The following LIG1 variants were observed in gnomAD, a reference collection of about 807,000 sequenced individuals.
LIG1 encodes ligase I, DNA, ATP-dependent.
LIG1 carries 70 observed loss-of-function variants against 115.7 expected under a neutral mutation model. The ratio of observed to expected loss-of-function variants is 0.60; its 90% CI spans 0.50 to 0.74. The LOEUF is 0.74. LIG1 is among the 30% of genes least tolerant of loss of function. The pLI, the probability that LIG1 is intolerant of heterozygous loss-of-function variation, is 0.00. For missense variants in LIG1, 1,115 were observed against 1,225.6 expected, an observed-to-expected ratio of 0.91 and a Z score of 1.35; for synonymous variants, 487 against 495.3, an observed-to-expected ratio of 0.98 and a Z score of 0.22.
chr19:48,164,804 G>C (rs370791411), intron 2 of LIG1, among the ~76,000 whole-genome samples: 1 of 152,170 alleles, frequency 6.6e-6, no homozygotes, highest in Non-Finnish European at 1.5e-5. Context: ...GCATTAACAC[G>C]AGGTTTCTCA....
At chr19:48,154,334 C>T (rs552465889) in intron 5 of LIG1, 24 of 326,424 alleles carry the variant, frequency 7.4e-5, no homozygotes, top group Non-Finnish European at 1.3e-4. Flanking sequence ...ACAGCTTCCC[C>T]GGAACCTCAG....
At chr19:48,150,545 G>A (rs553488070) in intron 7 of LIG1, among the ~76,000 whole-genome samples, 1 of 152,252 alleles carries the variant, frequency 6.6e-6, no homozygotes, top group South Asian at 2.1e-4. Flanking sequence ...CCCGGCAAGT[G>A]TTGTTTCTAA....
intron 17 of LIG1, 95 bp downstream of exon 17, chr19:48,133,886 A>G (rs2034203722): frequency 2.0e-6 from 2 of 999,840 alleles, no homozygotes; most frequent in Admixed American, 4.0e-5. Context: ...GGACTCTGCA[A>G]GTTCTGAGAG....
chr19:48,151,332 CT>C lies in LIG1; in HGVS notation c.473del (p.Glu158GlyfsTer31). On this transcript the variant is annotated frameshift_variant, in exon 7 of 28. Coordinates refer to ENST00000263274, the MANE Select transcript of LIG1 (RefSeq NM_000234.3). LOFTEE classifies it high-confidence loss of function. ...AKRKKEEEEE[E>X]TPKESLTEAE... ...CCTCTGTGAGGCTTTCTTTCGGGGT[CT>C]CCTCTTCTGACGATAGACAGAACGG... The C allele has an allele frequency of 6.2e-7, 1 of 1,607,926 alleles. No homozygotes were observed. Among genetic ancestry groups the C allele is most frequent in the Non-Finnish European group, 8.5e-7 (1 of 1,174,418 alleles).
At position 48,149,752 on chromosome 19, in the gene LIG1, C is replaced by A; in HGVS notation, c.776+11G>T. On this transcript the variant is annotated intron_variant, in intron 9 of 27. Transcript: ENST00000263274. ...CCCGAAGAACCTTTCCAGACCTGGA[C>A]ACTGACTCACCCCTCAGCAGCTCCC... The A allele has an allele frequency of 6.2e-7, 1 of 1,610,718 alleles. No individual in the cohort carries two copies. Among genetic ancestry groups the A allele is most frequent in the Non-Finnish European group, 8.5e-7 (1 of 1,176,870 alleles).
chr19:48,168,381 G>A (rs2036588928), intron 1 of LIG1, among the ~76,000 whole-genome samples: 1 of 152,170 alleles, frequency 6.6e-6, no homozygotes, highest in Non-Finnish European at 1.5e-5. Flanking sequence ...TCAAAACCCG[G>A]TGTGGCTGGC....
intron 4 of LIG1, among the ~76,000 whole-genome samples, chr19:48,158,212 C>T (rs904305348): frequency 1.3e-5 from 2 of 152,166 alleles, no homozygotes; most frequent in South Asian, 4.1e-4. Context: ...TGAAGTATTC[C>T]TTTATAGCAA....
rs4987070 is a variant in LIG1 at position 48,161,400 on chromosome 19, T to A, written c.215A>T (p.Asp72Val). The change falls in exon 4 of 28, where the codon GAT becomes GTT. Residue 72 changes from aspartate (D) to valine (V), a missense_variant. Transcript: ENST00000263274. ...GCCTTTAGCAGGGCTAAGGGCTTCATCCTCCTCTTCCCCTTCGCTGCCCAG... is the reference window on the plus strand; with the variant it reads ...GCCTTTAGCAGGGCTAAGGGCTTCAACCTCCTCTTCCCCTTCGCTGCCCAG... ...RVLGSEGEEE[D>V]EALSPAKGQK... The A allele has an allele frequency of 1.2e-6, 2 of 1,614,142 alleles. No homozygotes were observed. Among genetic ancestry groups the A allele is most frequent in the Non-Finnish European group, 1.7e-6 (2 of 1,180,018 alleles).
chr19:48,139,243 A>G (rs2122659601), intron 12 of LIG1, among the ~76,000 whole-genome samples: 1 of 152,272 alleles, frequency 6.6e-6, no homozygotes, highest in Non-Finnish European at 1.5e-5. Flanking sequence ...CGCTGGGGTG[A>G]TTAATGCCCC....
At position 48,127,895 on chromosome 19, in the gene LIG1, A is replaced by T; in HGVS notation, c.1932+15T>A. On this transcript the variant is annotated intron_variant, in intron 20 of 27. Transcript: ENST00000263274. ...AGTACGGGGCCTTGGCAGGCAGTGG[A>T]GCGGGTGATGCTACCTTGCGTTTGC... 2 of 1,603,528 alleles carry T rather than the reference A, an allele frequency of 1.2e-6. No homozygotes were observed. The highest frequency in any genetic ancestry group is 1.1e-5 in the South Asian group (1 of 90,856).
At chr19:48,162,632 A>G (rs1352658915) in intron 2 of LIG1, among the ~76,000 whole-genome samples, 1 of 151,956 alleles carries the variant, frequency 6.6e-6, no homozygotes, top group African/African-American at 2.4e-5. Context: ...ATGGGGTATC[A>G]CCGTGTTAGC....
Position 48,150,229 on chromosome 19 carries a change from G to C in LIG1, c.575-19C>G, listed in dbSNP as rs777998578. 1 of 1,614,046 alleles carries C rather than the reference G, an allele frequency of 6.2e-7. No individual in the cohort carries two copies. The highest frequency in any genetic ancestry group is 8.5e-7 in the Non-Finnish European group (1 of 1,180,024). On this transcript the variant is annotated intron_variant, in intron 7 of 27. Coordinates refer to ENST00000263274, the MANE Select transcript of LIG1 (RefSeq NM_000234.3). ...TCTGCTTCTGCGGTGAGAGAGCTCA[G>C]ACGGTGATGCAAACTCTTTGACCCT... is the stretch of plus-strand genomic sequence containing the variant.
At chr19:48,159,215 C>T (rs2036030841) in intron 4 of LIG1, among the ~76,000 whole-genome samples, 1 of 152,072 alleles carries the variant, frequency 6.6e-6, no homozygotes, top group African/African-American at 2.4e-5. Context: ...GTAGCTGGGA[C>T]TACAGGCCCG....
intron 9 of LIG1, among the ~76,000 whole-genome samples, chr19:48,144,541 GC>G (rs1223108215): frequency 1.3e-5 from 2 of 152,068 alleles, no homozygotes; most frequent in Non-Finnish European, 2.9e-5. Flanking sequence ...TCACTCTGTT[GC>G]CCAGGCTGGA....
chr19:48,158,209 T>C (rs189810843), intron 4 of LIG1, among the ~76,000 whole-genome samples: 132 of 152,338 alleles, frequency 8.7e-4, no homozygotes, highest in African/African-American at 2.9e-3. Context: ...GTCTGAAGTA[T>C]TCCTTTATAG....
rs1302433622 is a variant in LIG1, at chr19:48,121,246, T to C, written c.2309A>G (p.Lys770Arg). Residue 770 changes from lysine to arginine, a missense_variant, in exon 24 of 28, where the codon AAG (lysine) becomes AGG (arginine). Physicochemically the swap from Lys to Arg is conservative, Grantham distance 26. Coordinates refer to ENST00000263274, the MANE Select transcript of LIG1 (RefSeq NM_000234.3). ...GAAGCCCCCGTACCGGCCGGCCCGC[T>C]TCCCCCGGCCCAGGTAGGCGCCGAT... ...VVIGAYLGRG[K>R]RAGRYGGFLL... 6.2e-7 allele frequency: 1 copy of C among 1,613,526 alleles called. No homozygotes were observed. The highest frequency in any genetic ancestry group is 2.2e-5 in the East Asian group (1 of 44,858).
intron 24 of LIG1, chr19:48,120,498 GGA>G (rs1308018720): frequency 1.0e-6 from 1 of 985,006 alleles, no homozygotes; most frequent in East Asian, 1.1e-4. Flanking sequence ...CAAATTTGTT[GGA>G]GAGGGGAATA....
intron 9 of LIG1, among the ~76,000 whole-genome samples, chr19:48,144,794 G>A (rs973226097): frequency 6.6e-6 from 1 of 152,078 alleles, no homozygotes; most frequent in Non-Finnish European, 1.5e-5. Flanking sequence ...GTGAGCCACC[G>A]TGCCTGGCCA....
chr19:48,127,283 A>C lies in LIG1; in HGVS notation c.1998T>G (p.Asn666Lys). ...CLYAFDLIYL[N>K]GESLVREPLS... ...ACAGGAAGCTGGAACTCACCTCTCCATTGAGGTAGATGAGGTCGAAGGCGT... is the reference window on the plus strand; with the variant it reads ...ACAGGAAGCTGGAACTCACCTCTCCCTTGAGGTAGATGAGGTCGAAGGCGT... Residue 666 changes from asparagine to lysine, a missense_variant, in exon 21 of 28, where the codon AAT becomes AAG. By Grantham distance (94) the Asn-to-Lys change is moderately conservative. Coordinates refer to ENST00000263274, the MANE Select transcript of LIG1 (RefSeq NM_000234.3). 1 of 1,613,196 alleles carries C rather than the reference A, an allele frequency of 6.2e-7. No individual in the cohort carries two copies. Among genetic ancestry groups the C allele is most frequent in the Non-Finnish European group, 8.5e-7 (1 of 1,179,398 alleles).
Sources: allele counts gnomAD v4.1 joint callset (sites outside exome capture counted in the v4.1 genomes callset), GRCh38; gene constraint gnomAD v4.1.1; transcripts MANE v1.5; gene names NCBI Gene and HGNC (gene_info 2026-07-23, HGNC 2026-07-21).